The following FAM186A variants were observed in gnomAD, a reference collection of about 807,000 sequenced individuals.
FAM186A encodes the protein protein FAM186A.
A neutral mutation model predicts 216.8 loss-of-function variants in FAM186A; 163 were observed. The ratio of observed to expected loss-of-function variants is 0.75; its 90% CI spans 0.66 to 0.86. FAM186A has a LOEUF of 0.86. FAM186A is among the 40% of genes least tolerant of loss of function. The pLI is 0.00. For synonymous variants in FAM186A, 805 were observed against 1,025.3 expected (o/e 0.79, Z 4.10); for missense variants, 2,184 against 2,746.2 (o/e 0.80, Z 4.58).
Position 50,353,730 on chromosome 12 carries a change from C to T in FAM186A, c.3102G>A (p.Lys1034=), listed in dbSNP as rs1200150735. The T allele has an allele frequency of 6.5e-7, 1 of 1,549,332 alleles. No individual in the cohort carries two copies. Residue 1034 remains lysine, a synonymous_variant, in exon 4 of 8, where the codon AAG becomes AAA. Coordinates refer to ENST00000327337, the MANE Select transcript of FAM186A (RefSeq NM_001145475.3). The part of the protein sequence containing the change: ...YEGKEFQRNL[K]TLENLPDEKE... ...TTTCATCAGGAAGGTTCTCTAATGT[C>T]TTCAGATTCCTCTGAAACTCTTTTC... is the stretch of plus-strand genomic sequence containing the variant.
intron 1 of FAM186A, among the ~76,000 whole-genome samples, chr12:50,370,908 C>T (rs766130718): frequency 4.0e-5 from 6 of 151,692 alleles, no homozygotes; most frequent in Non-Finnish European, 8.8e-5. Flanking sequence ...ACCACGCTGG[C>T]CAACACGATG....
intron 7 of FAM186A, among the ~76,000 whole-genome samples, chr12:50,330,031 G>T (rs1484398907): frequency 6.6e-6 from 1 of 152,160 alleles, no homozygotes; most frequent in Non-Finnish European, 1.5e-5. Context: ...TGTCCTGAAA[G>T]AGTTAATGCA....
In FAM186A at chr12:50,378,680, TA is replaced by T. The variant is rs199818486; in HGVS notation, c.193-15317del. Reference sequence around the variant, plus strand: ...CACACATATATATATAAAATTAAATTAAAAAAAAGAAAATGAAAAGTCAAGC... The same window carrying T: ...CACACATATATATATAAAATTAAATTAAAAAAAGAAAATGAAAAGTCAAGC... On this transcript the variant is annotated intron_variant, in intron 1 of 7. Transcript: ENST00000327337. Among the ~76,000 whole-genome samples, 466 of 145,574 alleles carry T rather than the reference TA, an allele frequency of 3.2e-3. 2 individuals are homozygous for T. The highest frequency in any genetic ancestry group is 4.8e-3 in the Non-Finnish European group (316 of 66,278).
In FAM186A at chr12:50,363,321, C is replaced by T. The variant is rs900672287; in HGVS notation, c.236G>A (p.Arg79Gln). 6.4e-6 allele frequency: 10 copies of T among 1,551,132 alleles called. No homozygotes were observed. In the Admixed American group the frequency reaches 9.8e-5, roughly 15 times the overall value. Residue 79 changes from arginine to glutamine, a missense_variant, in exon 2 of 8, where the codon CGG (arginine) becomes CAG (glutamine). Around this residue, in one of 7 missense-constraint regions of FAM186A, gnomAD observed 1,132 missense variants for 1,263.4 expected, o/e 0.90. Coordinates refer to ENST00000327337, the MANE Select transcript of FAM186A (RefSeq NM_001145475.3). ...QLSEIMNNVH[R>Q]IMTRYTLVFN... ...AACAAGAGTATAGCGAGTCATTATC[C>T]GATGCACATTGTTCATTATTTCACT...
At chr12:50,364,283 G>A (rs904815794) in intron 1 of FAM186A, among the ~76,000 whole-genome samples, 1 of 152,100 alleles carries the variant, frequency 6.6e-6, no homozygotes. Context: ...GGCTGGGTGC[G>A]GTGGCTCACG....
intron 1 of FAM186A, among the ~76,000 whole-genome samples, chr12:50,378,678 A>AT (rs1943225170): frequency 6.7e-6 from 1 of 150,294 alleles, no homozygotes; most frequent in South Asian, 2.1e-4. Flanking sequence ...ATAAAATTAA[A>AT]TTAAAAAAAA....
chr12:50,368,434 A>T (rs1477671264), intron 1 of FAM186A, among the ~76,000 whole-genome samples: 2 of 151,832 alleles, frequency 1.3e-5, no homozygotes, highest in East Asian at 3.8e-4. Flanking sequence ...AATAATAATA[A>T]TAAATTTAGA....
chr12:50,354,428 C>T lies in FAM186A; in HGVS notation c.2404G>A (p.Glu802Lys). 1 of 1,551,458 alleles carries T rather than the reference C, an allele frequency of 6.4e-7. No individual in the cohort carries two copies. Among genetic ancestry groups the T allele is most frequent in the Admixed American group, 2.0e-5 (1 of 50,988 alleles). ...GTTGAGACTGTTGGAATATCTCTTT[C>T]ACTTTCTATTTCAGCCAAGATCATT... ...IQMILAEIES[E>K]RDIPTVSTVQ... Residue 802 changes from glutamate (E) to lysine (K), a missense_variant, in exon 4 of 8, where the codon GAA becomes AAA. By Grantham distance (56) the Glu-to-Lys change is moderately conservative (BLOSUM62 1). Transcript: ENST00000327337.
chr12:50,356,242 C>T lies in FAM186A; in HGVS notation c.590G>A (p.Arg197Lys), dbSNP rs375437808. ...TTTCCAAGATTTCCATAGAGTACCT[C>T]TAGATACTGAAGAACAAAACATAAA... ...KKKQKKKILS[R>K]GTLWKSWKER... Residue 197 changes from arginine (R) to lysine (K), a missense_variant, in exon 4 of 8, where the codon AGA becomes AAA. By Grantham distance (26) the Arg-to-Lys change is conservative. Transcript: ENST00000327337. The T allele has an allele frequency of 8.8e-4, 1,351 of 1,530,866 alleles. 21 individuals carry two copies. In the South Asian group the frequency reaches 0.016, roughly 18 times the overall value. The allele number at this position is 1,530,866 out of a possible 1,614,324, so 94.8% of individuals were successfully genotyped here.
At chr12:50,375,393 C>T (rs897987407) in intron 1 of FAM186A, among the ~76,000 whole-genome samples, 2 of 151,500 alleles carry the variant, frequency 1.3e-5, no homozygotes, top group African/African-American at 2.4e-5. Flanking sequence ...ACTAAAAATA[C>T]AAAAAATTAG....
At chr12:50,328,935 G>A (rs531013138) in intron 7 of FAM186A, among the ~76,000 whole-genome samples, 1 of 152,240 alleles carries the variant, frequency 6.6e-6, no homozygotes, top group East Asian at 1.9e-4. Context: ...GGCCAACATG[G>A]TGAAGCCTCA....
intron 1 of FAM186A, among the ~76,000 whole-genome samples, chr12:50,386,794 G>T (rs1943307741): frequency 6.7e-6 from 1 of 150,262 alleles, no homozygotes; most frequent in South Asian, 2.1e-4. Flanking sequence ...CAGTTTGGGG[G>T]TGGGGGGGTT....
At chr12:50,381,566 T>G (rs1320286377) in intron 1 of FAM186A, among the ~76,000 whole-genome samples, 1 of 151,854 alleles carries the variant, frequency 6.6e-6, no homozygotes, top group African/African-American at 2.4e-5. Flanking sequence ...ATTAATTAAT[T>G]AATTAAATGT....
intron 3 of FAM186A, among the ~76,000 whole-genome samples, chr12:50,357,698 C>T (rs1009271422): frequency 1.3e-5 from 2 of 152,144 alleles, no homozygotes; most frequent in African/African-American, 4.8e-5. Flanking sequence ...TACCGAACCT[C>T]AGTAACAAAC....
At position 50,353,537 on chromosome 12, in the gene FAM186A, G is replaced by A. The variant is rs773349326; in HGVS notation, c.3295C>T (p.Leu1099Phe). 2.6e-5 allele frequency: 40 copies of A among 1,536,562 alleles called. No individual in the cohort carries two copies. Among genetic ancestry groups the A allele is most frequent in the Non-Finnish European group, 3.2e-5 (36 of 1,139,782 alleles). Residue 1099 changes from leucine to phenylalanine, a missense_variant, in exon 4 of 8, where the codon CTC becomes TTC. Leu to Phe is a conservative substitution (Grantham distance 22, BLOSUM62 0). This residue lies in a region of FAM186A where 1,132 missense variants were observed against 1,263.4 expected (regional missense o/e 0.90). Transcript: ENST00000327337. ...PQQAQAQGIT[L>F]TLQQAQELGI... ...AGTTCCTGGGCCTGCTGAAGGGTGA[G>A]CGTGATCCCCTGAGCCTGGGCCTGC...
At chr12:50,385,189 G>A (rs1943290484) in intron 1 of FAM186A, among the ~76,000 whole-genome samples, 1 of 150,568 alleles carries the variant, frequency 6.6e-6, no homozygotes, top group African/African-American at 2.4e-5. Flanking sequence ...GGAGGCCGAG[G>A]TGGGTGGATC....
rs142968934 is a variant in FAM186A at position 50,396,133 on chromosome 12, T to G, written c.192+160A>C. The stretch of plus-strand genomic sequence containing the variant: ...TAATGTCAAATTGGAGCTTGTTATA[T>G]CCACAGTCGGTGTCAGGTGAAATTG... On this transcript the variant is annotated intron_variant, in intron 1 of 7. Coordinates refer to ENST00000327337, the MANE Select transcript of FAM186A (RefSeq NM_001145475.3). 2.2e-3 allele frequency among the ~76,000 whole-genome samples: 331 copies of G among 152,344 alleles called. 1 individual carries two copies. Among genetic ancestry groups the G allele is most frequent in the African/African-American group, 7.6e-3 (314 of 41,584 alleles).
chr12:50,363,249 T>A lies in FAM186A; in HGVS notation c.308A>T (p.Lys103Ile). 9 of 1,551,616 alleles carry A rather than the reference T, an allele frequency of 5.8e-6. No homozygotes were observed. Among genetic ancestry groups the A allele is most frequent in the Non-Finnish European group, 7.8e-6 (9 of 1,146,970 alleles). ...ERNVSLTEHK[K>I]KQRTNFLEKM... ...CTCAAGAAAATTGGTTCTCTGTTTT[T>A]TCTTATGTTCTGTAAGGGAGACATT... is the stretch of plus-strand genomic sequence containing the variant. The change falls in exon 2 of 8, where the codon AAA becomes ATA. Residue 103 changes from lysine to isoleucine, a missense_variant. Physicochemically the swap from Lys to Ile is moderately radical, Grantham distance 102. This residue lies in a region of FAM186A where 1,132 missense variants were observed against 1,263.4 expected (regional missense o/e 0.90). Coordinates refer to ENST00000327337, the MANE Select transcript of FAM186A (RefSeq NM_001145475.3).
chr12:50,385,775 G>A (rs1481771169), intron 1 of FAM186A, among the ~76,000 whole-genome samples: 3 of 151,536 alleles, frequency 2.0e-5, no homozygotes, highest in Admixed American at 6.6e-5. Flanking sequence ...GGTGGCAGGC[G>A]CCTGTAGTCC....
Sources: allele counts gnomAD v4.1 joint callset (sites outside exome capture counted in the v4.1 genomes callset), GRCh38; gene constraint gnomAD v4.1.1; regional missense constraint gnomAD v4.1.1; transcripts MANE v1.5; gene names NCBI Gene and HGNC (gene_info 2026-07-23, HGNC 2026-07-21).